NUBPL: variants seen among roughly 807,000 people sequenced by gnomAD.
NUBPL encodes the protein iron-sulfur cluster transfer protein NUBPL.
In NUBPL, 31 loss-of-function variants were observed where a neutral mutation model predicts 45.7. The observed-to-expected ratio is 0.68, with a 90% CI of 0.51 to 0.92. NUBPL has a LOEUF of 0.92. NUBPL is among the 40% of genes least tolerant of loss of function. The pLI, the probability that NUBPL is intolerant of heterozygous loss-of-function variation, is 0.00. For missense variants in NUBPL, 401 were observed against 398.7 expected (o/e 1.01, Z -0.05); for synonymous variants, 144 against 140.9 (o/e 1.02, Z -0.15).
At chr14:31,844,757 T>C (rs2040427240) in intron 8 of NUBPL, 1 of 152,242 alleles carries the variant, frequency 6.6e-6, no homozygotes, top group Admixed American at 6.5e-5. Flanking sequence ...GTAGAACTGA[T>C]ACAGACATTG....
At chr14:31,753,702 T>C (rs1160876859) in intron 6 of NUBPL, among the ~76,000 whole-genome samples, 3 of 152,152 alleles carry the variant, frequency 2.0e-5, no homozygotes, top group Non-Finnish European at 4.4e-5. Context: ...GCAGAGCAGC[T>C]GTGTGGACTA....
chr14:31,787,189 T>C (rs2039300118), intron 6 of NUBPL, among the ~76,000 whole-genome samples: 1 of 152,140 alleles, frequency 6.6e-6, no homozygotes, highest in Non-Finnish European at 1.5e-5. Flanking sequence ...GAACCTGAGG[T>C]ACCCTTGAGA....
intron 3 of NUBPL, among the ~76,000 whole-genome samples, chr14:31,597,623 T>C (rs921251463): frequency 2.0e-5 from 3 of 152,184 alleles, no homozygotes; most frequent in African/African-American, 7.2e-5. Context: ...GAAGATCAAT[T>C]TGAAACTTAG....
chr14:31,789,297 G>T (rs1396798641), intron 7 of NUBPL, among the ~76,000 whole-genome samples: 1 of 147,828 alleles, frequency 6.8e-6, no homozygotes, highest in Non-Finnish European at 1.5e-5. Context: ...TTGCGCTCCA[G>T]CCTGGGCGAC....
intron 7 of NUBPL, among the ~76,000 whole-genome samples, chr14:31,800,137 A>G (rs539767002): frequency 5.3e-5 from 8 of 152,330 alleles, no homozygotes; most frequent in African/African-American, 1.9e-4. Context: ...ATTCAATCAC[A>G]TCTTCAGATC....
intron 7 of NUBPL, among the ~76,000 whole-genome samples, chr14:31,793,828 C>CTTTTTTTTTTTTTTTTTTTTTTTTTT (rs55698198): frequency 7.8e-6 from 1 of 127,616 alleles, no homozygotes; most frequent in Non-Finnish European, 1.6e-5. Context: ...CCTTATCTTT[C>CTTTTTTTTTTTTTTTTTTTTTTTTTT]TTTTTTTTTT....
At position 31,855,571 on chromosome 14, in the gene NUBPL, G is replaced by GACCAA. The variant is rs2040603359; in HGVS notation, c.898-3547_898-3546insACCAA. Among the ~76,000 whole-genome samples, 3 of 151,392 alleles carry GACCAA rather than the reference G, an allele frequency of 2.0e-5. No individual in the cohort carries two copies. In the South Asian group the frequency reaches 6.3e-4, roughly 32 times the overall value. ...GTGAGATTATTTACATGAAGTACTT[G>GACCAA]GTATAGTAGGTACTCAATAAAAACA... On this transcript the variant is annotated intron_variant, in intron 10 of 10. Transcript: ENST00000281081.
intron 6 of NUBPL, among the ~76,000 whole-genome samples, chr14:31,758,902 C>T (rs1043305310): frequency 6.6e-6 from 1 of 152,000 alleles, no homozygotes; most frequent in Non-Finnish European, 1.5e-5. Flanking sequence ...TTCCCTTCTC[C>T]TGAGTGTTAA....
intron 6 of NUBPL, among the ~76,000 whole-genome samples, chr14:31,702,380 C>T (rs1301808244): frequency 2.0e-5 from 3 of 152,138 alleles, no homozygotes. Context: ...CCTGTCCCTC[C>T]AGTCATGACC....
chr14:31,761,392 T>C (rs2138728560), intron 6 of NUBPL, among the ~76,000 whole-genome samples: 1 of 152,204 alleles, frequency 6.6e-6, no homozygotes, highest in Non-Finnish European at 1.5e-5. Context: ...ATTTTTTAAT[T>C]ACAAAGAAAA....
At chr14:31,783,583 C>G (rs2039231779) in intron 6 of NUBPL, among the ~76,000 whole-genome samples, 1 of 148,364 alleles carries the variant, frequency 6.7e-6, no homozygotes, top group African/African-American at 2.5e-5. Flanking sequence ...AGTGGCGCAG[C>G]CTTGGTTTGC....
chr14:31,599,518 G>A (rs2034370816), intron 4 of NUBPL, 139 bp downstream of exon 4: 3 of 633,182 alleles, frequency 4.7e-6, no homozygotes, highest in South Asian at 4.1e-5. Context: ...GTAGATTCTT[G>A]GAAACTGTTA....
intron 6 of NUBPL, among the ~76,000 whole-genome samples, chr14:31,738,423 A>G (rs1044975188): frequency 2.0e-5 from 3 of 152,226 alleles, no homozygotes. Flanking sequence ...TCTCAGATAC[A>G]TATGACTGGG....
chr14:31,604,070 T>C (rs2034517668), intron 4 of NUBPL, among the ~76,000 whole-genome samples: 1 of 152,130 alleles, frequency 6.6e-6, no homozygotes, highest in Admixed American at 6.5e-5. Flanking sequence ...CTTTAATTTC[T>C]TTCTTCTTGT....
chr14:31,683,352 CTTTTTTTTT>C (rs34890900), intron 6 of NUBPL, among the ~76,000 whole-genome samples: 5 of 91,032 alleles, frequency 5.5e-5, no homozygotes, highest in Admixed American at 1.6e-4. Context: ...ATAAAACAAT[CTTTTTTTTT>C]TTTTTTTTTT....
At chr14:31,629,520 G>A (rs538258923) in intron 4 of NUBPL, among the ~76,000 whole-genome samples, 233 of 152,258 alleles carry the variant, frequency 1.5e-3, no homozygotes, top group Non-Finnish European at 2.8e-3. Context: ...AGACAGTGGA[G>A]TCATGTTGGA....
chr14:31,607,170 C>T (rs2034624048), intron 4 of NUBPL, among the ~76,000 whole-genome samples: 2 of 152,056 alleles, frequency 1.3e-5, no homozygotes, highest in South Asian at 2.1e-4. Flanking sequence ...TGCCTGAGCT[C>T]AGGAGTTCAA....
intron 6 of NUBPL, among the ~76,000 whole-genome samples, chr14:31,705,496 T>C (rs1208701082): frequency 6.6e-6 from 1 of 152,086 alleles, no homozygotes; most frequent in Non-Finnish European, 1.5e-5. Context: ...AGAGTGCTGA[T>C]TGGTGCATTT....
rs138148312 is a variant in NUBPL, at chr14:31,759,420, AT to A, written c.514-28356del. On this transcript the variant is annotated intron_variant, in intron 6 of 10. Transcript: ENST00000281081. ...GAAGATAAAATTTTTATATTTATTA[AT>A]TTTGAAATTATTTTTACTTGACAAA... Among the ~76,000 whole-genome samples the A allele has an allele frequency of 6.5e-3, 995 of 152,114 alleles. 12 individuals are homozygous for A. The highest frequency in any genetic ancestry group is 0.022 in the African/African-American group (932 of 41,532).
Sources: gnomAD v4.1 joint callset for allele counts (sites outside exome capture counted in the v4.1 genomes callset) on GRCh38, gnomAD v4.1.1 for gene constraint, MANE v1.5 for transcripts, NCBI Gene and HGNC (gene_info 2026-07-23, HGNC 2026-07-21) for gene names.